EP300: variants seen among roughly 807,000 people sequenced by gnomAD.
The protein encoded by EP300 is histone acetyltransferase p300.
A neutral mutation model predicts 264.0 loss-of-function variants in EP300; 31 were observed. The observed-to-expected ratio is 0.12, with a 90% CI of 0.09 to 0.16. EP300 has a LOEUF of 0.16. EP300 is among the 10% of genes least tolerant of loss of function. EP300 has a pLI of 1.00. For synonymous variants in EP300, 1,340 were observed against 1,045.4 expected (o/e 1.28, Z -5.44); for missense variants, 2,766 against 3,052.9 (o/e 0.91, Z 2.21).
intron 2 of EP300, among the ~76,000 whole-genome samples, chr22:41,124,015 A>T (rs2145705062): frequency 6.6e-6 from 1 of 151,750 alleles, no homozygotes; most frequent in East Asian, 2.0e-4. Flanking sequence ...TGGGAGGCCG[A>T]GGTGGGCAGA....
rs575144940 is a variant in EP300, at chr22:41,094,145, G to A, written c.94+1047G>A. Among the ~76,000 whole-genome samples, 5 of 152,230 alleles carry A rather than the reference G, an allele frequency of 3.3e-5. 1 individual carries two copies. The South Asian group carries it at 1.0e-3, about 32-fold the overall frequency. ...GTTAGTTTAATGGTGTTATCCTGAT[G>A]GGTAAGGACCTTTTCTTTGCTGGGA... On this transcript the variant is annotated intron_variant, in intron 1 of 30. Coordinates refer to ENST00000263253, the MANE Select transcript of EP300 (RefSeq NM_001429.4).
At chr22:41,157,489 T>C (rs913112251) in intron 18 of EP300, 81 bp downstream of exon 18, 36 of 1,235,144 alleles carry the variant, frequency 2.9e-5, no homozygotes, top group Non-Finnish European at 2.3e-6. Context: ...TAAGAGAATA[T>C]CCTGCTTCTG....
At chr22:41,139,874 A>G (rs1239147492) in intron 8 of EP300, among the ~76,000 whole-genome samples, 2 of 152,222 alleles carry the variant, frequency 1.3e-5, no homozygotes, top group African/African-American at 4.8e-5. Flanking sequence ...TGTCTTTAGT[A>G]TGTAACCCAA....
chr22:41,140,681 C>T (rs1240062723), intron 9 of EP300, among the ~76,000 whole-genome samples: 2 of 152,068 alleles, frequency 1.3e-5, no homozygotes, highest in African/African-American at 2.4e-5. Flanking sequence ...TGCCTGTTGT[C>T]CCAGCTGCTC....
chr22:41,122,096 C>G (rs1053727096), intron 2 of EP300, among the ~76,000 whole-genome samples: 1 of 151,428 alleles, frequency 6.6e-6, no homozygotes. Context: ...ATTCTATTGC[C>G]CCTGCAATCT....
chr22:41,127,786 T>G (rs1259635187), intron 4 of EP300, 38 bp downstream of exon 4: 1 of 1,613,122 alleles, frequency 6.2e-7, no homozygotes, highest in African/African-American at 1.3e-5. Flanking sequence ...TTAGCAATTT[T>G]TACAGCCAGG....
chr22:41,125,620 G>A (rs746147174), intron 2 of EP300, among the ~76,000 whole-genome samples: 1 of 152,094 alleles, frequency 6.6e-6, no homozygotes, highest in East Asian at 1.9e-4. Flanking sequence ...AGGCTTCACT[G>A]ATAATCCCAC....
chr22:41,168,603 T>G lies in EP300; in HGVS notation c.4025+4T>G. 6.2e-7 allele frequency: 1 copy of G among 1,614,200 alleles called. No individual in the cohort carries two copies. The highest frequency in any genetic ancestry group is 2.2e-5 in the East Asian group (1 of 44,890). On this transcript the variant is annotated splice_donor_region_variant and intron_variant, in intron 24 of 30. Transcript: ENST00000263253. The stretch of plus-strand genomic sequence containing the variant: ...TAAAACCAGGCATGAAAGCAAGGTA[T>G]CTAGTCATTTCACTTTTCTTCTCCT...
rs781137042 is a variant in EP300 at position 41,151,825 on chromosome 22, C to G, written c.2818-8C>G. ...TGTCTCACCTACTTCCCTTTTTTTT[C>G]TGCCCAGCTTTCCCAGCCAGCTGTA... On this transcript the variant is annotated splice_polypyrimidine_tract_variant and splice_region_variant and intron_variant, in intron 14 of 30. Coordinates refer to ENST00000263253, the MANE Select transcript of EP300 (RefSeq NM_001429.4). 40 of 1,612,934 alleles carry G rather than the reference C, an allele frequency of 2.5e-5. No individual in the cohort carries two copies. Among genetic ancestry groups the G allele is most frequent in the Non-Finnish European group, 3.2e-5 (38 of 1,179,588 alleles).
chr22:41,093,962 T>TTG (rs1324109276), intron 1 of EP300, among the ~76,000 whole-genome samples: 14 of 152,346 alleles, frequency 9.2e-5, no homozygotes, highest in African/African-American at 3.1e-4. Context: ...GGTTTGGTGT[T>TTG]TGTGTGTGTC....
intron 21 of EP300, among the ~76,000 whole-genome samples, chr22:41,163,588 A>G (rs898782794): frequency 1.3e-5 from 2 of 151,388 alleles, no homozygotes; most frequent in Non-Finnish European, 2.9e-5. Context: ...CTCTACTACA[A>G]ATATATAAAT....
chr22:41,109,417 A>G (rs1321782936), intron 1 of EP300, among the ~76,000 whole-genome samples: 1 of 152,154 alleles, frequency 6.6e-6, no homozygotes, highest in Non-Finnish European at 1.5e-5. Flanking sequence ...ATGTGATGTG[A>G]CTAGTATGAA....
In EP300 at chr22:41,152,084, G is replaced by A. The variant is rs1409330795; in HGVS notation, c.2997+72G>A. ...AGGAACCCAAGTTTTAAAAAATATTGCAGAAAAATATTTTGATAATTAGAT... is the reference window on the plus strand; with the variant it reads ...AGGAACCCAAGTTTTAAAAAATATTACAGAAAAATATTTTGATAATTAGAT... On this transcript the variant is annotated intron_variant, in intron 15 of 30. Transcript: ENST00000263253. 13 of 1,595,820 alleles carry A rather than the reference G, an allele frequency of 8.1e-6. No homozygotes were observed. The South Asian group carries it at 1.3e-4, about 16-fold the overall frequency.
intron 6 of EP300, among the ~76,000 whole-genome samples, chr22:41,135,347 T>C (rs1289411819): frequency 2.6e-5 from 4 of 152,246 alleles, no homozygotes; most frequent in African/African-American, 7.2e-5. Flanking sequence ...GTTCCTATTA[T>C]AGCTCTTTTC....
At chr22:41,130,851 G>T (rs1187994787) in intron 5 of EP300, among the ~76,000 whole-genome samples, 1 of 151,152 alleles carries the variant, frequency 6.6e-6, no homozygotes, top group African/African-American at 2.4e-5. Flanking sequence ...CTTTAAAATT[G>T]TAACTACCAC....
At chr22:41,151,016 T>C (rs533887178) in intron 14 of EP300, among the ~76,000 whole-genome samples, 167 of 152,254 alleles carry the variant, frequency 1.1e-3, no homozygotes, top group Non-Finnish European at 2.0e-3. Flanking sequence ...GTTATGTATA[T>C]AATAAAAATC....
chr22:41,167,810 T>C (rs530944907), intron 23 of EP300, among the ~76,000 whole-genome samples: 11 of 60,310 alleles, frequency 1.8e-4, no homozygotes, highest in Non-Finnish European at 2.8e-4. Context: ...TTCTGTTTGT[T>C]TTTGTTTTTT....
At chr22:41,116,721 T>C (rs2058823547) in intron 1 of EP300, among the ~76,000 whole-genome samples, 1 of 152,128 alleles carries the variant, frequency 6.6e-6, no homozygotes, top group Admixed American at 6.6e-5. Context: ...ATTTAAAAAA[T>C]CTATAAAATG....
chr22:41,150,111 C>T lies in EP300; in HGVS notation c.2730C>T (p.Pro910=). 4.3e-6 allele frequency: 7 copies of T among 1,613,298 alleles called. No individual in the cohort carries two copies. Among genetic ancestry groups the T allele is most frequent in the Non-Finnish European group, 5.9e-6 (7 of 1,180,006 alleles). ...CTGCTGCACCTTCTGCTGACCAGCC[C>T]CAGCAGCAGCCTCGCTCACAGCAGA... ...SLPAAPSADQ[P]QQQPRSQQST... Residue 910 remains proline, a synonymous_variant, in exon 14 of 31, where the codon CCC becomes CCT. Transcript: ENST00000263253.
Sources: gnomAD v4.1 joint callset for allele counts (sites outside exome capture counted in the v4.1 genomes callset) on GRCh38, gnomAD v4.1.1 for gene constraint, MANE v1.5 for transcripts, NCBI Gene and HGNC (gene_info 2026-07-23, HGNC 2026-07-21) for gene names.